Variants in DACH1 observed in about 807,000 individuals in gnomAD.
DACH1 encodes dachshund homolog 1.
In DACH1, 12 loss-of-function variants were observed where a neutral mutation model predicts 54.2. The observed-to-expected ratio is 0.22, with a 90% confidence interval of 0.14 to 0.36. The LOEUF is 0.36. Among genes scored for constraint, DACH1 ranks in the 10% least tolerant of loss-of-function variants. The pLI is 1.00. For synonymous variants in DACH1, 386 were observed against 366.2 expected, an observed-to-expected ratio of 1.05 and a Z score of -0.62; for missense variants, 805 against 929.8, an observed-to-expected ratio of 0.87 and a Z score of 1.75.
At chr13:71,639,428 G>A (rs1299784252) in intron 2 of DACH1, among the ~76,000 whole-genome samples, 1 of 151,994 alleles carries the variant, frequency 6.6e-6, no homozygotes, top group Admixed American at 6.6e-5. Flanking sequence ...ATTGATCCTT[G>A]AGGCCATTAA....
At chr13:71,838,153 A>G (rs989244779) in intron 1 of DACH1, among the ~76,000 whole-genome samples, 3 of 152,150 alleles carry the variant, frequency 2.0e-5, no homozygotes, top group Non-Finnish European at 4.4e-5. Flanking sequence ...AAAACTAAGA[A>G]CAAAACTGGT....
At chr13:71,594,176 A>T (rs1444455159) in intron 3 of DACH1, among the ~76,000 whole-genome samples, 2 of 151,530 alleles carry the variant, frequency 1.3e-5, no homozygotes, top group East Asian at 3.9e-4. Flanking sequence ...AATATAAAAA[A>T]ATTTTTAGAA....
chr13:71,653,275 T>C (rs1878812583), intron 2 of DACH1, among the ~76,000 whole-genome samples: 1 of 152,168 alleles, frequency 6.6e-6, no homozygotes, highest in African/African-American at 2.4e-5. Context: ...GAAACACTCA[T>C]TCCAGTGCCA....
intron 2 of DACH1, among the ~76,000 whole-genome samples, chr13:71,633,026 G>A (rs1253073120): frequency 6.6e-6 from 1 of 151,716 alleles, no homozygotes; most frequent in African/African-American, 2.4e-5. Context: ...TTTTTCCTTG[G>A]TTACCTGATG....
chr13:71,592,513 A>AAAAAAAAAAAAAG (rs768010399), intron 3 of DACH1, among the ~76,000 whole-genome samples: 1 of 145,814 alleles, frequency 6.9e-6, no homozygotes, highest in African/African-American at 2.5e-5. Flanking sequence ...AAAAAAAAAA[A>AAAAAAAAAAAAAG]AAAAGAAAAG....
At chr13:71,664,329 T>C (rs1879690829) in intron 2 of DACH1, among the ~76,000 whole-genome samples, 1 of 152,042 alleles carries the variant, frequency 6.6e-6, no homozygotes. Context: ...CATTTTTCTA[T>C]CAAGACTAAA....
rs1033445945 is a variant in DACH1, at chr13:71,674,023, T to C, written c.964+7772A>G. Reference sequence around the variant, plus strand: ...ATTAACACACCAGTGTTTAAATTTGTAATTGTAAGGCATAATAATTTCTCT... The same window carrying C: ...ATTAACACACCAGTGTTTAAATTTGCAATTGTAAGGCATAATAATTTCTCT... On this transcript the variant is annotated intron_variant, in intron 2 of 10. Transcript: ENST00000613252. 5.3e-5 allele frequency among the ~76,000 whole-genome samples: 8 copies of C among 152,322 alleles called. No homozygotes were observed. The South Asian group carries it at 8.3e-4, about 16-fold the overall frequency.
chr13:71,600,750 C>T lies in DACH1; in HGVS notation c.1127-27738G>A, dbSNP rs535159408. ...GACTGGTATAATGGACATGTGATAA[C>T]TAATGGTTTTCAAGTTTATATTTTA... On this transcript the variant is annotated intron_variant, in intron 3 of 10. Coordinates refer to ENST00000613252, the MANE Select transcript of DACH1 (RefSeq NM_080759.6). Among the ~76,000 whole-genome samples, 3 of 152,016 alleles carry T rather than the reference C, an allele frequency of 2.0e-5. No homozygotes were observed. In the South Asian group the frequency reaches 6.2e-4, roughly 31 times the overall value.
At chr13:71,636,734 A>G (rs1287516788) in intron 2 of DACH1, among the ~76,000 whole-genome samples, 1 of 151,880 alleles carries the variant, frequency 6.6e-6, no homozygotes, top group East Asian at 1.9e-4. Flanking sequence ...TTGGGTTAAT[A>G]CACTACCTGC....
chr13:71,779,309 A>G (rs1406692209), intron 1 of DACH1, among the ~76,000 whole-genome samples: 2 of 146,828 alleles, frequency 1.4e-5, no homozygotes, highest in Non-Finnish European at 3.0e-5. Flanking sequence ...ATATATTTAT[A>G]TACATATATA....
intron 6 of DACH1, among the ~76,000 whole-genome samples, chr13:71,547,763 G>T (rs577911107): frequency 1.4e-4 from 21 of 152,150 alleles, no homozygotes; most frequent in Admixed American, 5.9e-4. Context: ...ATTAACTTTT[G>T]ATCTATTTCA....
chr13:71,595,683 G>A (rs905629446), intron 3 of DACH1, among the ~76,000 whole-genome samples: 1 of 152,124 alleles, frequency 6.6e-6, no homozygotes, highest in African/African-American at 2.4e-5. Context: ...GAAGCTGGAA[G>A]TCTGACATTA....
chr13:71,594,199 C>T (rs891891621), intron 3 of DACH1, among the ~76,000 whole-genome samples: 1 of 151,464 alleles, frequency 6.6e-6, no homozygotes, highest in Admixed American at 6.6e-5. Flanking sequence ...TCTTGGGATT[C>T]TATCTGTAAA....
Position 71,557,225 on chromosome 13 carries a change from T to C in DACH1, c.1436-67A>G, listed in dbSNP as rs1884313049. The C allele has an allele frequency of 2.2e-5, 32 of 1,447,560 alleles. No individual in the cohort carries two copies. In the South Asian group the frequency reaches 4.4e-4, roughly 20 times the overall value. 89.7% of individuals were successfully genotyped at this position (1,447,560 alleles called of 1,614,324 possible). A position where few individuals can be genotyped will look rare whatever the true frequency, so the allele number is the denominator to read the frequency against. On this transcript the variant is annotated intron_variant, in intron 5 of 10. Coordinates refer to ENST00000613252, the MANE Select transcript of DACH1 (RefSeq NM_080759.6). ...AACACCATAACACACAAGGTTCCAA[T>C]AAGTCAATTAAACTCTCTTGGACTC...
intron 1 of DACH1, among the ~76,000 whole-genome samples, chr13:71,704,993 G>T (rs1049310016): frequency 1.3e-5 from 2 of 152,028 alleles, no homozygotes; most frequent in Non-Finnish European, 2.9e-5. Flanking sequence ...AATAAATTCG[G>T]TAATTTCTCT....
At chr13:71,545,509 A>G (rs1883404840) in intron 6 of DACH1, among the ~76,000 whole-genome samples, 1 of 150,718 alleles carries the variant, frequency 6.6e-6, no homozygotes, top group Non-Finnish European at 1.5e-5. Context: ...GATAGAAAGA[A>G]AGAAGAAAAG....
intron 10 of DACH1, among the ~76,000 whole-genome samples, chr13:71,466,665 A>G (rs1291620624): frequency 1.3e-5 from 2 of 152,030 alleles, no homozygotes; most frequent in African/African-American, 4.8e-5. Context: ...CAACATGGCA[A>G]AACCCTGTGT....
intron 1 of DACH1, among the ~76,000 whole-genome samples, chr13:71,780,955 G>A (rs957292258): frequency 2.0e-5 from 3 of 152,054 alleles, no homozygotes; most frequent in East Asian, 1.9e-4. Context: ...GCAACATAGC[G>A]AGACCTTATC....
At chr13:71,457,817 G>A (rs111859987) in intron 10 of DACH1, among the ~76,000 whole-genome samples, 1,940 of 151,896 alleles carry the variant, frequency 0.013, 42 homozygotes, top group African/African-American at 0.044. Context: ...CCAAAGTTGT[G>A]TCTCTCATCT....
Sources: allele counts gnomAD v4.1 joint callset (sites outside exome capture counted in the v4.1 genomes callset), GRCh38; gene constraint gnomAD v4.1.1; transcripts MANE v1.5; gene names NCBI Gene and HGNC (gene_info 2026-07-23, HGNC 2026-07-21).